DDR2: variants seen among roughly 807,000 people sequenced by gnomAD.
DDR2 encodes the protein discoidin domain-containing receptor 2.
A neutral mutation model predicts 94.9 loss-of-function variants in DDR2; 27 were observed. The observed-to-expected ratio is 0.28, with a 90% CI of 0.21 to 0.39. DDR2 has a LOEUF of 0.39. Among genes scored for constraint, DDR2 ranks in the 10% least tolerant of loss-of-function variants. The pLI, the probability that DDR2 is intolerant of heterozygous loss-of-function variation, is 1.00. For missense variants in DDR2, 783 were observed against 1,076.0 expected (o/e 0.73, Z 3.81); for synonymous variants, 382 against 377.2 (o/e 1.01, Z -0.15).
At chr1:162,640,094 T>G (rs980017964) in intron 1 of DDR2, among the ~76,000 whole-genome samples, 18 of 151,228 alleles carry the variant, frequency 1.2e-4, no homozygotes, top group Non-Finnish European at 1.0e-4. Context: ...CAGGCTGGAG[T>G]GCAGTGGTGT....
At chr1:162,668,719 A>G (rs1466063622) in intron 2 of DDR2, among the ~76,000 whole-genome samples, 1 of 152,100 alleles carries the variant, frequency 6.6e-6, no homozygotes, top group Non-Finnish European at 1.5e-5. Context: ...AGATAACCTC[A>G]TTTTAACTTG....
chr1:162,759,954 G>A lies in DDR2; in HGVS notation c.830G>A (p.Arg277His), dbSNP rs750450749. 1.8e-5 allele frequency: 29 copies of A among 1,614,026 alleles called. No homozygotes were observed. The highest frequency in any genetic ancestry group is 1.6e-4 in the Middle Eastern group (1 of 6,084). The change falls in exon 8 of 18, where the codon CGC becomes CAC. Residue 277 changes from arginine to histidine, a missense_variant. Physicochemically the swap from Arg to His is conservative, Grantham distance 29. Coordinates refer to ENST00000367921, the MANE Select transcript of DDR2 (RefSeq NM_006182.4). Reference sequence around the variant, plus strand: ...ATTGAGATCATGTTTGAATTTGACCGCATCAGGAATTTCACTACCATGAAG... The same window carrying A: ...ATTGAGATCATGTTTGAATTTGACCACATCAGGAATTTCACTACCATGAAG... Reference protein sequence around the residue: ...GYIEIMFEFDRIRNFTTMKVH... With the variant: ...GYIEIMFEFDHIRNFTTMKVH...
At chr1:162,687,516 ATGAACATAACATCAAGGGCTGC>A (rs1200339461) in intron 2 of DDR2, among the ~76,000 whole-genome samples, 2 of 152,166 alleles carry the variant, frequency 1.3e-5, no homozygotes, top group Non-Finnish European at 2.9e-5. Flanking sequence ...ACATTGTTGG[ATGAACATAACATCAAGGGCTGC>A]TTTCCCAACT....
chr1:162,710,473 T>A (rs1660850670), intron 2 of DDR2, among the ~76,000 whole-genome samples: 2 of 152,152 alleles, frequency 1.3e-5, no homozygotes, highest in Admixed American at 6.5e-5. Flanking sequence ...GAGATGAGAA[T>A]GTTTGGGACA....
chr1:162,776,921 C>CT (rs1410496158), intron 16 of DDR2, among the ~76,000 whole-genome samples: 4 of 152,060 alleles, frequency 2.6e-5, no homozygotes, highest in Admixed American at 2.6e-4. Flanking sequence ...ATACCTGAGA[C>CT]TTTTTATTGT....
At chr1:162,752,475 C>T (rs1344685309) in intron 3 of DDR2, among the ~76,000 whole-genome samples, 1 of 152,100 alleles carries the variant, frequency 6.6e-6, no homozygotes, top group Non-Finnish European at 1.5e-5. Context: ...ATATTTTGTC[C>T]TTTTTGGTTG....
intron 2 of DDR2, among the ~76,000 whole-genome samples, chr1:162,704,199 G>T (rs548760764): frequency 3.9e-5 from 6 of 152,306 alleles, no homozygotes; most frequent in African/African-American, 1.4e-4. Flanking sequence ...TTATGGGGTA[G>T]ATGGGATATA....
Position 162,769,757 on chromosome 1 carries a change from A to T in DDR2, c.1294-545A>T, listed in dbSNP as rs114611492. On this transcript the variant is annotated intron_variant, in intron 11 of 17. Coordinates refer to ENST00000367921, the MANE Select transcript of DDR2 (RefSeq NM_006182.4). ...GTCACATTGTTATCTCTGGACACCCAGGGCTTTCCTGTCCCATGTTGTAGC... is the reference window on the plus strand; with the variant it reads ...GTCACATTGTTATCTCTGGACACCCTGGGCTTTCCTGTCCCATGTTGTAGC... 5.2e-3 allele frequency among the ~76,000 whole-genome samples: 794 copies of T among 152,340 alleles called. 9 individuals carry two copies. The highest frequency in any genetic ancestry group is 0.018 in the African/African-American group (746 of 41,570).
intron 1 of DDR2, among the ~76,000 whole-genome samples, chr1:162,638,976 C>G (rs1421240471): frequency 6.9e-6 from 1 of 145,624 alleles, no homozygotes; most frequent in Non-Finnish European, 1.5e-5. Context: ...TTTTCTTTTT[C>G]TATCTTTGAG....
Position 162,656,859 on chromosome 1 carries a change from G to GGTTTTTTTTTTT in DDR2, c.-28+1485_-28+1486insGTTTTTTTTTTT. On this transcript the variant is annotated intron_variant, in intron 2 of 17. Coordinates refer to ENST00000367921, the MANE Select transcript of DDR2 (RefSeq NM_006182.4). ...TTTTTTTTTTTTTTTTATTTTTTTT[G>GGTTTTTTTTTTT]TTAACAGGGTTTTGCTCTGTCACCC... Among the ~76,000 whole-genome samples the GGTTTTTTTTTTT allele has an allele frequency of 1.9e-5, 2 of 107,208 alleles. 1 individual carries two copies. Among genetic ancestry groups the GGTTTTTTTTTTT allele is most frequent in the Non-Finnish European group, 3.6e-5 (2 of 56,212 alleles). 70.3% of individuals were successfully genotyped at this position (107,208 alleles called of 152,430 possible).
At chr1:162,673,392 C>T (rs966867407) in intron 2 of DDR2, among the ~76,000 whole-genome samples, 3 of 152,014 alleles carry the variant, frequency 2.0e-5, no homozygotes, top group African/African-American at 7.2e-5. Context: ...TTCTCTTAAT[C>T]GTAAAATTTT....
At chr1:162,679,629 A>G (rs1045133828) in intron 2 of DDR2, among the ~76,000 whole-genome samples, 3 of 152,190 alleles carry the variant, frequency 2.0e-5, no homozygotes, top group Non-Finnish European at 4.4e-5. Context: ...TTATGGTAGA[A>G]CAATTTATAG....
intron 3 of DDR2, among the ~76,000 whole-genome samples, chr1:162,732,011 T>C (rs1202989121): frequency 6.6e-6 from 1 of 152,236 alleles, no homozygotes; most frequent in Non-Finnish European, 1.5e-5. Context: ...TCACTGTCTT[T>C]GTTAACCAGG....
At position 162,766,045 on chromosome 1, in the gene DDR2, A is replaced by G; in HGVS notation, c.1144A>G (p.Met382Val). The change falls in exon 10 of 18, where the codon ATG becomes GTG. Residue 382 changes from methionine (M) to valine (V), a missense_variant. Physicochemically the swap from Met to Val is conservative, Grantham distance 21. Coordinates refer to ENST00000367921, the MANE Select transcript of DDR2 (RefSeq NM_006182.4). ...CTCTGAAGCCCTGCCCACCTCTCCT[A>G]TGGCACCCACAACCTATGGTATATG... ...NNSEALPTSP[M>V]APTTYDPMLK... The G allele has an allele frequency of 1.9e-6, 3 of 1,613,828 alleles. No individual in the cohort carries two copies. The highest frequency in any genetic ancestry group is 2.5e-6 in the Non-Finnish European group (3 of 1,179,988).
rs530983148 is a variant in DDR2, at chr1:162,785,957, T to A, written c.*5711T>A. The A allele has an allele frequency of 2.0e-5, 3 of 152,318 alleles. No individual in the cohort carries two copies. The East Asian group carries it at 5.8e-4, about 29-fold the overall frequency. 9.4% of individuals were successfully genotyped at this position (152,318 alleles called of 1,614,324 possible). A position where few individuals can be genotyped will look rare whatever the true frequency, so the allele number is the denominator to read the frequency against. On this transcript the variant is annotated 3_prime_UTR_variant, in exon 18 of 18. Coordinates refer to ENST00000367921, the MANE Select transcript of DDR2 (RefSeq NM_006182.4). ...CCCAGCCTATTTGAAACAAGCTATC[T>A]AGTTTCTCCTGCAGACACCTTGTCA...
intron 2 of DDR2, among the ~76,000 whole-genome samples, chr1:162,679,416 A>G (rs1285514338): frequency 6.6e-6 from 1 of 152,130 alleles, no homozygotes; most frequent in Non-Finnish European, 1.5e-5. Context: ...TAAGTCAAGA[A>G]CTCAGTTATA....
At chr1:162,669,526 A>C (rs1002615947) in intron 2 of DDR2, among the ~76,000 whole-genome samples, 3 of 152,230 alleles carry the variant, frequency 2.0e-5, no homozygotes, top group African/African-American at 4.8e-5. Context: ...CTTTTGTTAT[A>C]AACATGCGTG....
rs138448680 is a variant in DDR2, at chr1:162,673,427, T to C, written c.-28+18053T>C. Among the ~76,000 whole-genome samples the C allele has an allele frequency of 7.8e-3, 1,184 of 152,202 alleles. 7 individuals carry two copies. The highest frequency in any genetic ancestry group is 0.013 in the Non-Finnish European group (855 of 68,000). ...TAAGGTGACATCAATGCTTAATGAG[T>C]CATGGGAGAGGAATGAACTAATGTT... is the stretch of plus-strand genomic sequence containing the variant. On this transcript the variant is annotated intron_variant, in intron 2 of 17. Coordinates refer to ENST00000367921, the MANE Select transcript of DDR2 (RefSeq NM_006182.4).
intron 3 of DDR2, chr1:162,741,654 AGATCT>A: frequency 1.0e-6 from 1 of 985,410 alleles, no homozygotes; most frequent in African/African-American, 1.7e-5. Flanking sequence ...TTGGACAGCT[AGATCT>A]TCTCCCCAGG....
Sources: gnomAD v4.1 joint callset for allele counts (sites outside exome capture counted in the v4.1 genomes callset) on GRCh38, gnomAD v4.1.1 for gene constraint, MANE v1.5 for transcripts, NCBI Gene and HGNC (gene_info 2026-07-23, HGNC 2026-07-21) for gene names.